GRID2: variants seen among roughly 807,000 people sequenced by gnomAD.
The protein encoded by GRID2 is glutamate ionotropic receptor delta type subunit 2, also known as glutamate receptor ionotropic, delta-2.
Under a neutral mutation model 114.8 loss-of-function variants are expected in GRID2, and 33 were observed. That is an observed-to-expected ratio of 0.29 (90% CI 0.22 to 0.38). The LOEUF (loss-of-function observed/expected upper bound fraction) is 0.38. Among genes scored for constraint, GRID2 ranks in the 10% least tolerant of loss-of-function variants. The pLI is 1.00. For synonymous variants in GRID2, 505 were observed against 449.9 expected (o/e 1.12, Z -1.55); for missense variants, 1,184 against 1,257.7 (o/e 0.94, Z 0.89).
intron 1 of GRID2, among the ~76,000 whole-genome samples, chr4:92,474,584 G>T (rs1027929322): frequency 6.6e-6 from 1 of 152,018 alleles, no homozygotes; most frequent in Non-Finnish European, 1.5e-5. Context: ...ACTTTTGGAG[G>T]AATCTCCATC....
intron 9 of GRID2, among the ~76,000 whole-genome samples, chr4:93,407,828 C>T (rs868518685): frequency 7.8e-5 from 8 of 102,086 alleles, no homozygotes; most frequent in Admixed American, 6.1e-4. Flanking sequence ...TCCTCCTTCT[C>T]CTCCTCCTCC....
intron 14 of GRID2, among the ~76,000 whole-genome samples, chr4:93,731,692 CT>C (rs1054274249): frequency 1.3e-5 from 2 of 152,166 alleles, no homozygotes; most frequent in Admixed American, 1.3e-4. Context: ...CACCACAGAG[CT>C]TGTGGTATGC....
chr4:92,796,743 C>A (rs1191408045), intron 2 of GRID2, among the ~76,000 whole-genome samples: 2 of 151,822 alleles, frequency 1.3e-5, no homozygotes, highest in Non-Finnish European at 2.9e-5. Context: ...TGATATCATT[C>A]TGTACATCAA....
At chr4:93,248,699 A>C (rs963077111) in intron 8 of GRID2, among the ~76,000 whole-genome samples, 1 of 152,172 alleles carries the variant, frequency 6.6e-6, no homozygotes. Context: ...TTTCACAAAA[A>C]GTGCTAATAG....
At chr4:93,633,545 A>G (rs867435644) in intron 14 of GRID2, among the ~76,000 whole-genome samples, 7 of 152,100 alleles carry the variant, frequency 4.6e-5, no homozygotes, top group Middle Eastern at 3.2e-3. Context: ...AGATCTACTT[A>G]ACTTTTTGGC....
At chr4:92,857,153 C>G (rs1387177211) in intron 2 of GRID2, among the ~76,000 whole-genome samples, 1 of 152,130 alleles carries the variant, frequency 6.6e-6, no homozygotes, top group African/African-American at 2.4e-5. Flanking sequence ...CTCCTCAAGC[C>G]TTCCTATTTC....
At chr4:93,400,613 A>AAGTT (rs1315029276) in intron 9 of GRID2, among the ~76,000 whole-genome samples, 5 of 152,094 alleles carry the variant, frequency 3.3e-5, no homozygotes, top group African/African-American at 1.2e-4. Context: ...ATAAAATGGA[A>AAGTT]AGGAATTGGT....
chr4:93,785,766 G>A (rs1270505081), intron 1 of GRID2, among the ~76,000 whole-genome samples: 1 of 152,144 alleles, frequency 6.6e-6, no homozygotes, highest in Non-Finnish European at 1.5e-5. Context: ...CCTAAGAGAG[G>A]CAGACCAGTC....
At chr4:93,486,538 T>A (rs77243070) in intron 11 of GRID2, among the ~76,000 whole-genome samples, 2,268 of 151,812 alleles carry the variant, frequency 0.015, 52 homozygotes, top group African/African-American at 0.052. Context: ...GCTGGTTATT[T>A]CTAGGTTTGT....
At chr4:92,840,162 T>C (rs1742777671) in intron 2 of GRID2, among the ~76,000 whole-genome samples, 1 of 152,100 alleles carries the variant, frequency 6.6e-6, no homozygotes, top group Admixed American at 6.6e-5. Context: ...TCCATTGCTA[T>C]GAAATATATA....
chr4:92,442,405 C>G (rs191611835), intron 1 of GRID2, among the ~76,000 whole-genome samples: 6 of 151,926 alleles, frequency 3.9e-5, no homozygotes, highest in African/African-American at 1.5e-4. Flanking sequence ...GGCCCGGTGG[C>G]CAGATTTCCG....
chr4:93,108,942 C>G (rs1014238714), intron 3 of GRID2, among the ~76,000 whole-genome samples: 2 of 152,024 alleles, frequency 1.3e-5, no homozygotes, highest in East Asian at 3.9e-4. Context: ...GACATGTATT[C>G]TAAAGGTATA....
intron 2 of GRID2, among the ~76,000 whole-genome samples, chr4:92,731,965 A>G (rs1736349552): frequency 6.6e-6 from 1 of 151,960 alleles, no homozygotes; most frequent in Admixed American, 6.6e-5. Context: ...TTTAAATGTC[A>G]CTGCCTTAGA....
chr4:93,621,590 A>C (rs186293941), intron 13 of GRID2, among the ~76,000 whole-genome samples: 1 of 152,326 alleles, frequency 6.6e-6, no homozygotes, highest in East Asian at 1.9e-4. Context: ...AGTCAGATGG[A>C]TTGAAAATTT....
chr4:93,229,223 A>G (rs1023740661), intron 7 of GRID2, among the ~76,000 whole-genome samples: 1 of 152,154 alleles, frequency 6.6e-6, no homozygotes, highest in Admixed American at 6.6e-5. Context: ...TTTAGATGTC[A>G]ATGCTGGTGA....
intron 8 of GRID2, among the ~76,000 whole-genome samples, chr4:93,367,886 A>T (rs1481384630): frequency 1.3e-5 from 2 of 152,202 alleles, no homozygotes; most frequent in Non-Finnish European, 2.9e-5. Flanking sequence ...ATCTGTTGAA[A>T]AAATAAATAA....
intron 2 of GRID2, among the ~76,000 whole-genome samples, chr4:93,054,039 A>G (rs1489478013): frequency 6.6e-6 from 1 of 151,962 alleles, no homozygotes; most frequent in Admixed American, 6.6e-5. Context: ...CAGACCCCCA[A>G]GGCAGTGTTA....
chr4:93,312,685 A>G (rs1466061357), intron 8 of GRID2, among the ~76,000 whole-genome samples: 1 of 152,218 alleles, frequency 6.6e-6, no homozygotes, highest in Admixed American at 6.5e-5. Flanking sequence ...GGAAGGAGTT[A>G]TAAGTGAACT....
chr4:92,643,369 G>T (rs926558035), intron 2 of GRID2, among the ~76,000 whole-genome samples: 1 of 151,632 alleles, frequency 6.6e-6, no homozygotes, highest in Non-Finnish European at 1.5e-5. Flanking sequence ...GAAATAAAGG[G>T]ATCTAAATAG....
Sources: gnomAD v4.1 joint callset for allele counts (sites outside exome capture counted in the v4.1 genomes callset) on GRCh38, gnomAD v4.1.1 for gene constraint, MANE v1.5 for transcripts, NCBI Gene and HGNC (gene_info 2026-07-23, HGNC 2026-07-21) for gene names.